Variants in NAV1 observed in about 807,000 individuals in gnomAD.
NAV1 encodes neuron navigator 1, also known as pore membrane and/or filament interacting like protein 3.
Under a neutral mutation model 175.2 loss-of-function variants are expected in NAV1, and 18 were observed. The observed-to-expected ratio is 0.10, with a 90% CI of 0.07 to 0.15. NAV1 has a LOEUF of 0.15. Ranked by LOEUF, NAV1 falls within the 10% of genes least tolerant of loss-of-function variation. The pLI is 1.00. For missense variants in NAV1, 1,731 were observed against 2,436.6 expected (o/e 0.71, Z 6.10); for synonymous variants, 897 against 978.7 (o/e 0.92, Z 1.56).
chr1:201,814,903 G>A (rs1195394002), intron 28 of NAV1, among the ~76,000 whole-genome samples: 4 of 151,784 alleles, frequency 2.6e-5, no homozygotes, highest in African/African-American at 9.7e-5. Context: ...GCTAGATGTG[G>A]TGGTGGGCAC....
chr1:201,716,775 G>A (rs1253151103), intron 2 of NAV1, among the ~76,000 whole-genome samples: 1 of 152,202 alleles, frequency 6.6e-6, no homozygotes, highest in Non-Finnish European at 1.5e-5. Context: ...GCTACTTTGG[G>A]GCTGAGGCAG....
intron 15 of NAV1, chr1:201,798,276 T>C (rs980490392): frequency 6.6e-6 from 1 of 152,222 alleles, no homozygotes; most frequent in Admixed American, 6.5e-5. Context: ...ATTTCCTTAC[T>C]GGTCTTGCTG....
At chr1:201,765,570 A>G (rs1177093964) in intron 3 of NAV1, among the ~76,000 whole-genome samples, 1 of 151,450 alleles carries the variant, frequency 6.6e-6, no homozygotes, top group Non-Finnish European at 1.5e-5. Context: ...AATTTTTTGT[A>G]TTTTAGTAGA....
At chr1:201,811,180 C>G (rs931533339) in intron 24 of NAV1, among the ~76,000 whole-genome samples, 1 of 152,188 alleles carries the variant, frequency 6.6e-6, no homozygotes, top group Non-Finnish European at 1.5e-5. Context: ...TACTCTCTGA[C>G]CTTGGGCTAT....
At chr1:201,684,956 T>C (rs1456055987) in intron 1 of NAV1, among the ~76,000 whole-genome samples, 2 of 113,374 alleles carry the variant, frequency 1.8e-5, no homozygotes, top group Non-Finnish European at 3.5e-5. Flanking sequence ...AGCAAGACTC[T>C]GTCTCAAAAA....
intron 1 of NAV1, among the ~76,000 whole-genome samples, chr1:201,665,570 G>A (rs1013439349): frequency 7.8e-6 from 1 of 128,726 alleles, no homozygotes; most frequent in South Asian, 2.4e-4. Context: ...TCTCTGGAGG[G>A]GTGAGGGCAA....
chr1:201,813,137 T>C lies in NAV1; in HGVS notation c.5222-3T>C. ...ATCTTCATGGCCCCATCCTCTTCCCTAGGCCCTTGCTTCTTTCTGTCGTGT... is the reference window on the plus strand; with the variant it reads ...ATCTTCATGGCCCCATCCTCTTCCCCAGGCCCTTGCTTCTTTCTGTCGTGT... On this transcript the variant is annotated splice_polypyrimidine_tract_variant and splice_region_variant and intron_variant, in intron 27 of 29. Transcript: ENST00000367296. This position sits in a 1 kb window ranked among gnomAD's most constrained non-coding sequence, Gnocchi z 4.2. 1 of 1,611,178 alleles carries C rather than the reference T, an allele frequency of 6.2e-7. No individual in the cohort carries two copies. Among genetic ancestry groups the C allele is most frequent in the South Asian group, 1.1e-5 (1 of 91,016 alleles).
intron 3 of NAV1, among the ~76,000 whole-genome samples, chr1:201,762,033 G>T (rs1053593028): frequency 6.6e-6 from 1 of 152,076 alleles, no homozygotes; most frequent in African/African-American, 2.4e-5. Context: ...GGTGGCACCC[G>T]CATGTAGTCC....
At chr1:201,820,052 GGGA>G (rs1679299420) in exon 30 of NAV1, 2 of 925,976 alleles carry the variant, frequency 2.2e-6, no homozygotes, top group South Asian at 3.0e-5. Context: ...GAGAACAGGA[GGGA>G]GGAGGAGATG....
At chr1:201,545,726 T>C (rs560454767) in intron 1 of NAV1, among the ~76,000 whole-genome samples, 29 of 152,348 alleles carry the variant, frequency 1.9e-4, no homozygotes, top group Admixed American at 9.1e-4. Flanking sequence ...TATTATCAGA[T>C]AGACAAAGCA....
In NAV1 at chr1:201,788,658, C is replaced by T. The variant is rs1230641739; in HGVS notation, c.3166+20C>T. 1.6e-5 allele frequency: 26 copies of T among 1,592,846 alleles called. No homozygotes were observed. Among genetic ancestry groups the T allele is most frequent in the Non-Finnish European group, 2.1e-5 (25 of 1,168,052 alleles). ...ACGATGGTGAGACTTCATGCTAGCGCGGTTCACGCTCATTCCAGCTCTGCT... is the reference window on the plus strand; with the variant it reads ...ACGATGGTGAGACTTCATGCTAGCGTGGTTCACGCTCATTCCAGCTCTGCT... On this transcript the variant is annotated intron_variant, in intron 10 of 29. Coordinates refer to ENST00000367296, the Ensembl canonical transcript of NAV1. The surrounding 1 kb of genome is among the most constrained non-coding windows in gnomAD (Gnocchi z 5.7).
chr1:201,572,809 A>T (rs1666585896), intron 1 of NAV1, among the ~76,000 whole-genome samples: 1 of 152,188 alleles, frequency 6.6e-6, no homozygotes, highest in Non-Finnish European at 1.5e-5. Flanking sequence ...TGTTGACAAC[A>T]GAGATTAATC....
intron 3 of NAV1, among the ~76,000 whole-genome samples, chr1:201,748,216 T>C (rs1673892338): frequency 6.6e-6 from 1 of 152,236 alleles, no homozygotes; most frequent in Admixed American, 6.5e-5. Context: ...CTCACTCTTA[T>C]GAATTAAGTG....
At chr1:201,642,174 T>TTCCC in intron 2 of NAV1, among the ~76,000 whole-genome samples, 2 of 129,448 alleles carry the variant, frequency 1.5e-5, no homozygotes, top group Non-Finnish European at 1.6e-5. Context: ...CCTCCCTTCC[T>TTCCC]TCCTTCCTTC....
At chr1:201,692,761 CAG>C (rs1251888259) in intron 1 of NAV1, among the ~76,000 whole-genome samples, 5 of 152,222 alleles carry the variant, frequency 3.3e-5, no homozygotes, top group Non-Finnish European at 7.3e-5. Flanking sequence ...TGGGCACCTA[CAG>C]AGAGAGAAGA....
At chr1:201,733,436 T>C (rs1672955281) in intron 3 of NAV1, 1 of 151,932 alleles carries the variant, frequency 6.6e-6, no homozygotes, top group African/African-American at 2.4e-5. Context: ...TATACTAAAA[T>C]TGGAACAATA....
chr1:201,623,645 C>A (rs1668240872), intron 1 of NAV1, 39 bp downstream of exon 3: 2 of 986,180 alleles, frequency 2.0e-6, no homozygotes, highest in South Asian at 4.7e-5. Context: ...GGGGGAAGAG[C>A]CATGCTGGGA....
chr1:201,642,661 CCCTT>C (rs1668830574), intron 2 of NAV1, among the ~76,000 whole-genome samples: 1 of 131,216 alleles, frequency 7.6e-6, no homozygotes, highest in African/African-American at 3.4e-5. Context: ...CTCCTTCCTT[CCCTT>C]CCTTCCCTCC....
intron 15 of NAV1, among the ~76,000 whole-genome samples, chr1:201,803,277 C>T (rs550609780): frequency 2.0e-4 from 30 of 152,258 alleles, no homozygotes; most frequent in African/African-American, 7.0e-4. Flanking sequence ...GTTGATATCT[C>T]CATAAAACTG....
Sources: gnomAD v4.1 joint callset for allele counts (sites outside exome capture counted in the v4.1 genomes callset) on GRCh38, gnomAD v4.1.1 for gene constraint, Gnocchi (gnomAD v3.1) non-coding constraint, MANE v1.5 for transcripts, NCBI Gene and HGNC (gene_info 2026-07-23, HGNC 2026-07-21) for gene names.